PCDHGB2: variants seen among roughly 807,000 people sequenced by gnomAD.
PCDHGB2 encodes protocadherin gamma subfamily B, 2, also known as protocadherin gamma-B2.
In PCDHGB2, 55 loss-of-function variants were observed where a neutral mutation model predicts 59.3. The observed-to-expected ratio is 0.93, with a 90% CI of 0.75 to 1.16. PCDHGB2 has a LOEUF of 1.16. Among genes scored for constraint, PCDHGB2 ranks in the 50% most tolerant of loss-of-function variants. PCDHGB2 has a pLI of 0.00. For synonymous variants in PCDHGB2, 516 were observed against 512.0 expected, an observed-to-expected ratio of 1.01 and a Z score of -0.11; for missense variants, 1,228 against 1,198.5, an observed-to-expected ratio of 1.02 and a Z score of -0.36.
At position 141,393,088 on chromosome 5, in the gene PCDHGB2, G is replaced by T. The variant is rs760420305; in HGVS notation, c.2421+30532G>T. ...TTGATCACCGCGGGCAGGATAGATCGGGAGGAGCTCTGCGCTCAGAGCCCG... is the reference window on the plus strand; with the variant it reads ...TTGATCACCGCGGGCAGGATAGATCTGGAGGAGCTCTGCGCTCAGAGCCCG... On this transcript the variant is annotated intron_variant, in intron 1 of 3. Transcript: ENST00000522605. 3.7e-6 allele frequency: 6 copies of T among 1,613,530 alleles called. No homozygotes were observed. In the East Asian group the frequency reaches 1.3e-4, roughly 36 times the overall value.
intron 1 of PCDHGB2, among the ~76,000 whole-genome samples, chr5:141,401,772 G>T (rs756327304): frequency 6.6e-6 from 1 of 152,126 alleles, no homozygotes; most frequent in Non-Finnish European, 1.5e-5. Context: ...TAAGTCTTTT[G>T]CTTGGTTTCC....
At chr5:141,506,930 T>C (rs2099857287) in intron 3 of PCDHGB2, among the ~76,000 whole-genome samples, 1 of 152,150 alleles carries the variant, frequency 6.6e-6, no homozygotes, top group African/African-American at 2.4e-5. Context: ...AAACAAACTT[T>C]AGGGGCCTCC....
intron 1 of PCDHGB2, chr5:141,419,136 A>G: frequency 1.9e-6 from 3 of 1,613,918 alleles, no homozygotes; most frequent in Non-Finnish European, 1.7e-6. Context: ...GCAGCCACAG[A>G]CAGGGGCAAG....
At chr5:141,366,773 G>A (rs1474826624) in intron 1 of PCDHGB2, 3 of 1,595,414 alleles carry the variant, frequency 1.9e-6, no homozygotes, top group Non-Finnish European at 2.6e-6. Context: ...CTTTCGGTAA[G>A]GATGACCAGA....
rs780234982 is a variant in PCDHGB2, at chr5:141,362,285, T to C, written c.2150T>C (p.Leu717Pro). 1 of 1,614,016 alleles carries C rather than the reference T, an allele frequency of 6.2e-7. No homozygotes were observed. Among genetic ancestry groups the C allele is most frequent in the Non-Finnish European group, 8.5e-7 (1 of 1,179,898 alleles). Residue 717 changes from leucine (L) to proline (P), a missense_variant, in exon 1 of 4, where the codon CTC becomes CCC. This residue lies in a region of PCDHGB2 where 433 missense variants were observed against 441.8 expected (regional missense o/e 0.98). Coordinates refer to ENST00000522605, the MANE Select transcript of PCDHGB2 (RefSeq NM_018923.3). ...CTGGCAATCTCCCTGCGCCTGCGAC[T>C]CTCTTCCAGGTCAGATGCTTGGGAC... ...VILAISLRLR[L>P]SSRSDAWDCF...
At chr5:141,481,533 T>TG (rs1246139713) in intron 1 of PCDHGB2, among the ~76,000 whole-genome samples, 2 of 152,200 alleles carry the variant, frequency 1.3e-5, no homozygotes, top group Admixed American at 6.5e-5. Context: ...AATCTAGAGA[T>TG]GGGGCTGGGC....
chr5:141,399,210 A>G, intron 1 of PCDHGB2: 2 of 1,613,974 alleles, frequency 1.2e-6, no homozygotes, highest in Non-Finnish European at 1.7e-6. Context: ...CTGGAACACT[A>G]ATTGCTTTGA....
At chr5:141,504,476 A>G (rs998883721) in intron 2 of PCDHGB2, among the ~76,000 whole-genome samples, 4 of 152,016 alleles carry the variant, frequency 2.6e-5, no homozygotes, top group African/African-American at 9.7e-5. Context: ...GGATGGGAGT[A>G]CAGTGGAGGC....
At position 141,479,006 on chromosome 5, in the gene PCDHGB2, T is replaced by C. The variant is rs148063283; in HGVS notation, c.2422-15801T>C. On this transcript the variant is annotated intron_variant, in intron 1 of 3. Transcript: ENST00000522605. ...ACATTTGTATTAAAACTAATAGCTT[T>C]TTGATAATTTTCCTTTGTTTATACA... Among the ~76,000 whole-genome samples the C allele has an allele frequency of 1.2e-3, 179 of 152,340 alleles. 2 individuals are homozygous for C. The highest frequency in any genetic ancestry group is 0.011 in the Admixed American group (170 of 15,300).
At chr5:141,393,721 T>C (rs769235037) in intron 1 of PCDHGB2, 26 of 1,613,752 alleles carry the variant, frequency 1.6e-5, no homozygotes, top group African/African-American at 8.0e-5. Context: ...GAAATATCAA[T>C]AGCAAAAAGT....
At chr5:141,393,284 T>C (rs1462333832) in intron 1 of PCDHGB2, 10 of 1,613,870 alleles carry the variant, frequency 6.2e-6, no homozygotes, top group African/African-American at 2.7e-5. Flanking sequence ...TCCCAGAAGC[T>C]GTTGACCCGG....
At chr5:141,462,542 T>C (rs910054469) in intron 1 of PCDHGB2, among the ~76,000 whole-genome samples, 1 of 152,222 alleles carries the variant, frequency 6.6e-6, no homozygotes, top group Non-Finnish European at 1.5e-5. Flanking sequence ...AGTGATCTTT[T>C]CTTCTTCAGT....
chr5:141,415,740 GTTTTTTTTTTTTTTT>G (rs57426385), intron 1 of PCDHGB2: 171 of 625,014 alleles, frequency 2.7e-4, no homozygotes, highest in East Asian at 8.8e-4. Flanking sequence ...GTTTATTAAG[GTTTTTTTTTTTTTTT>G]TTTTTTTTTT....
intron 1 of PCDHGB2, chr5:141,389,298 G>C (rs1440320819): frequency 6.2e-7 from 1 of 1,614,030 alleles, no homozygotes; most frequent in Non-Finnish European, 8.5e-7. Context: ...TATTTCACAA[G>C]TCAGGGCTTC....
intron 1 of PCDHGB2, chr5:141,370,631 C>A (rs1192871928): frequency 6.2e-7 from 1 of 1,613,710 alleles, no homozygotes; most frequent in South Asian, 1.1e-5. Flanking sequence ...CCGTGAGCCC[C>A]GAAAATGGGA....
Position 141,485,190 on chromosome 5 carries a change from G to C in PCDHGB2, c.2422-9617G>C. 6.2e-7 allele frequency: 1 copy of C among 1,613,920 alleles called. No individual in the cohort carries two copies. Among genetic ancestry groups the C allele is most frequent in the Non-Finnish European group, 8.5e-7 (1 of 1,179,788 alleles). Reference sequence around the variant, plus strand: ...GCGGCAGCAATGCTCCGCAAGGTGAGAAGCTGGACAGAAATCTGGCGGTGG... The same window carrying C: ...GCGGCAGCAATGCTCCGCAAGGTGACAAGCTGGACAGAAATCTGGCGGTGG... On this transcript the variant is annotated intron_variant, in intron 1 of 3. Coordinates refer to ENST00000522605, the MANE Select transcript of PCDHGB2 (RefSeq NM_018923.3). This position sits in a 1 kb window ranked among gnomAD's most constrained non-coding sequence, Gnocchi z 5.7.
rs752811986 is a variant in PCDHGB2, at chr5:141,366,261, T to A, written c.2421+3705T>A. The stretch of plus-strand genomic sequence containing the variant: ...GACGCGCTCAAGCAGAGCCTCGTGG[T>A]GGCCGTCGAAGACCATGGCCAGCCC... On this transcript the variant is annotated intron_variant, in intron 1 of 3. Transcript: ENST00000522605. The A allele has an allele frequency of 1.4e-5, 23 of 1,613,602 alleles. No individual in the cohort carries two copies. The Admixed American group carries it at 2.3e-4, about 16-fold the overall frequency.
chr5:141,405,191 C>T (rs573277021), intron 1 of PCDHGB2: 28 of 1,612,832 alleles, frequency 1.7e-5, no homozygotes, highest in South Asian at 1.6e-4. Context: ...AGATGGGGTT[C>T]GAGCTTTCCT....
chr5:141,384,217 A>G lies in PCDHGB2; in HGVS notation c.2421+21661A>G, dbSNP rs1026607669. 6 of 1,613,776 alleles carry G rather than the reference A, an allele frequency of 3.7e-6. No homozygotes were observed. The African/African-American group carries it at 8.0e-5, about 22-fold the overall frequency. On this transcript the variant is annotated intron_variant, in intron 1 of 3. Coordinates refer to ENST00000522605, the MANE Select transcript of PCDHGB2 (RefSeq NM_018923.3). The stretch of plus-strand genomic sequence containing the variant: ...CTTGTCCAGGGAAACTCACATATTC[A>G]TGCAGGTGGCAGACACCAACGATAA...
Sources: allele counts gnomAD v4.1 joint callset (sites outside exome capture counted in the v4.1 genomes callset), GRCh38; gene constraint gnomAD v4.1.1; regional missense constraint gnomAD v4.1.1; non-coding constraint Gnocchi (gnomAD v3.1); transcripts MANE v1.5; gene names NCBI Gene and HGNC (gene_info 2026-07-23, HGNC 2026-07-21).